Variants in RAVER2 observed in about 807,000 individuals in gnomAD.
RAVER2 encodes the protein ribonucleoprotein, PTB binding 2.
In RAVER2, 46 loss-of-function variants were observed where a neutral mutation model predicts 78.1. The observed-to-expected ratio is 0.59, with a 90% confidence interval of 0.46 to 0.75. The LOEUF (loss-of-function observed/expected upper bound fraction) is 0.75, where lower values mean the gene tolerates loss of function less well. Ranked by LOEUF, RAVER2 falls within the 30% of genes least tolerant of loss-of-function variation. The pLI is 0.00. For synonymous variants in RAVER2, 311 were observed against 313.3 expected (o/e 0.99, Z 0.08); for missense variants, 793 against 837.5 (o/e 0.95, Z 0.66).
rs543926982 is a variant in RAVER2 at position 64,788,350 on chromosome 1, T to C, written c.979-1038T>C. ...AGCCAGGTGTGGTGGCGGGCACCTG[T>C]AGTCCCAGCTACTTGGGAGGCTGAG... On this transcript the variant is annotated intron_variant, in intron 4 of 11. Transcript: ENST00000294428. Among the ~76,000 whole-genome samples the C allele has an allele frequency of 3.0e-4, 45 of 151,576 alleles. 1 individual carries two copies. In the Middle Eastern group the frequency reaches 0.01, roughly 35 times the overall value.
intron 9 of RAVER2, among the ~76,000 whole-genome samples, chr1:64,811,778 A>C (rs1205502145): frequency 6.6e-6 from 1 of 152,208 alleles, no homozygotes; most frequent in East Asian, 1.9e-4. Flanking sequence ...TTGGGTAGAC[A>C]AGGGTTATAC....
intron 4 of RAVER2, among the ~76,000 whole-genome samples, chr1:64,784,152 G>C (rs575709003): frequency 1.3e-5 from 2 of 152,298 alleles, no homozygotes; most frequent in Non-Finnish European, 2.9e-5. Context: ...GGGAGGCCAA[G>C]GTGGGAGGAT....
At chr1:64,755,456 T>C (rs1557581502) in intron 1 of RAVER2, among the ~76,000 whole-genome samples, 1 of 152,172 alleles carries the variant, frequency 6.6e-6, no homozygotes, top group African/African-American at 2.4e-5. Flanking sequence ...ATTAGATTCA[T>C]TGAAATTTGT....
chr1:64,827,372 G>T (rs1425062427), intron 11 of RAVER2, among the ~76,000 whole-genome samples: 1 of 152,140 alleles, frequency 6.6e-6, no homozygotes, highest in African/African-American at 2.4e-5. Flanking sequence ...TTGCCCAGGG[G>T]CATGAGGGTG....
chr1:64,798,803 T>C (rs1653175470), intron 5 of RAVER2, among the ~76,000 whole-genome samples: 1 of 152,206 alleles, frequency 6.6e-6, no homozygotes, highest in Non-Finnish European at 1.5e-5. Flanking sequence ...AAATTTTTAA[T>C]TGACATGTAA....
Position 64,745,483 on chromosome 1 carries a change from A to T in RAVER2, c.249+62A>T. The T allele has an allele frequency of 2.8e-6, 4 of 1,454,462 alleles. No individual in the cohort carries two copies. The highest frequency in any genetic ancestry group is 1.5e-5 in the African/African-American group (1 of 67,692). 90.1% of individuals were successfully genotyped at this position (1,454,462 alleles called of 1,614,324 possible). On this transcript the variant is annotated intron_variant, in intron 1 of 11. Coordinates refer to ENST00000294428, the Ensembl canonical transcript of RAVER2. This position sits in a 1 kb window ranked among gnomAD's most constrained non-coding sequence, Gnocchi z 4.3. ...GGCGGCGGGGCGGCGCTCCGTGTCC[A>T]GGCTGGGATCGGGGGCGCCTCAGAG...
chr1:64,803,409 A>G (rs1653324630), intron 6 of RAVER2, among the ~76,000 whole-genome samples: 1 of 152,188 alleles, frequency 6.6e-6, no homozygotes, highest in Non-Finnish European at 1.5e-5. Context: ...AATATAAATG[A>G]ACAGTAACTT....
At chr1:64,789,260 TA>T in intron 4 of RAVER2, 127 bp from the exon 5 acceptor site, 1 of 774,406 alleles carries the variant, frequency 1.3e-6, no homozygotes. Context: ...ATATATAATA[TA>T]AATCAAATTA....
intron 11 of RAVER2, among the ~76,000 whole-genome samples, chr1:64,824,734 A>G (rs1285172204): frequency 6.6e-6 from 1 of 152,052 alleles, no homozygotes; most frequent in Non-Finnish European, 1.5e-5. Context: ...ATTCAAGACC[A>G]GCTTGGCCAA....
At chr1:64,767,731 C>T (rs558323809) in intron 1 of RAVER2, among the ~76,000 whole-genome samples, 11 of 151,992 alleles carry the variant, frequency 7.2e-5, no homozygotes, top group East Asian at 5.8e-4. Context: ...GATTTAACAA[C>T]GAAACAATTA....
intron 3 of RAVER2, among the ~76,000 whole-genome samples, chr1:64,780,670 T>C (rs571809329): frequency 6.6e-5 from 10 of 152,334 alleles, no homozygotes; most frequent in African/African-American, 2.4e-4. Flanking sequence ...AGAAAGGTTT[T>C]AGTGTCTTAT....
intron 5 of RAVER2, among the ~76,000 whole-genome samples, chr1:64,792,966 ACTGAGGTGGGCAGATCAC>A (rs1346230797): frequency 1.3e-5 from 2 of 152,118 alleles, no homozygotes; most frequent in Non-Finnish European, 2.9e-5. Context: ...ACTTTGGGTC[ACTGAGGTGGGCAGATCAC>A]CTGAGGTCAG....
chr1:64,817,672 A>G (rs999245466), intron 11 of RAVER2, among the ~76,000 whole-genome samples: 6 of 147,530 alleles, frequency 4.1e-5, no homozygotes, highest in Non-Finnish European at 7.4e-5. Context: ...CAAACACCAC[A>G]TGTTCTGACT....
chr1:64,760,638 A>C (rs907738672), intron 1 of RAVER2, among the ~76,000 whole-genome samples: 1 of 152,130 alleles, frequency 6.6e-6, no homozygotes, highest in Non-Finnish European at 1.5e-5. Context: ...TGTATAGGGC[A>C]TGTTAGGGAA....
At chr1:64,799,105 G>T (rs945617102) in intron 5 of RAVER2, among the ~76,000 whole-genome samples, 1 of 152,098 alleles carries the variant, frequency 6.6e-6, no homozygotes, top group Non-Finnish European at 1.5e-5. Flanking sequence ...TCTCTTCCCA[G>T]ACTCTAATAA....
At chr1:64,798,453 T>G (rs1210871954) in intron 5 of RAVER2, among the ~76,000 whole-genome samples, 3 of 150,716 alleles carry the variant, frequency 2.0e-5, no homozygotes, top group Non-Finnish European at 4.4e-5. Context: ...ATGGGATGGC[T>G]GGGTCAAATG....
intron 11 of RAVER2, among the ~76,000 whole-genome samples, chr1:64,821,633 C>G (rs142355437): frequency 6.6e-6 from 1 of 152,336 alleles, no homozygotes; most frequent in Non-Finnish European, 1.5e-5. Context: ...CTGCAACCAT[C>G]TGGTCTTCGA....
chr1:64,807,037 T>C (rs1653434256), intron 8 of RAVER2, among the ~76,000 whole-genome samples, 169 bp from the exon 9 acceptor site: 1 of 152,202 alleles, frequency 6.6e-6, no homozygotes, highest in South Asian at 2.1e-4. Flanking sequence ...TTTGTTTTTT[T>C]CATAAAGGAA....
intron 4 of RAVER2, among the ~76,000 whole-genome samples, chr1:64,784,463 C>G (rs1652723692): frequency 1.3e-5 from 2 of 152,144 alleles, no homozygotes; most frequent in Non-Finnish European, 2.9e-5. Flanking sequence ...CCTATGTGTT[C>G]TTTCCCTAAC....
Sources: allele counts gnomAD v4.1 joint callset (sites outside exome capture counted in the v4.1 genomes callset), GRCh38; gene constraint gnomAD v4.1.1; non-coding constraint Gnocchi (gnomAD v3.1); transcripts MANE v1.5; gene names NCBI Gene and HGNC (gene_info 2026-07-23, HGNC 2026-07-21).